Variants in ZNF846 observed in about 807,000 individuals in gnomAD.
ZNF846 encodes zinc finger protein 420 pseudogene.
Under a neutral mutation model 16.0 loss-of-function variants are expected in ZNF846, and 15 were observed. The observed-to-expected ratio is 0.94, with a 90% CI of 0.63 to 1.45. The LOEUF is 1.45. Among genes scored for constraint, ZNF846 ranks in the 40% most tolerant of loss-of-function variants. The pLI is 0.00. For synonymous variants in ZNF846, 229 were observed against 212.0 expected, an observed-to-expected ratio of 1.08 and a Z score of -0.70; for missense variants, 714 against 622.3, an observed-to-expected ratio of 1.15 and a Z score of -1.57.
At chr19:9,754,584 A>AAAAAAAAAAAAC (rs2045116135), downstream of ZNF846, among the ~76,000 whole-genome samples, 1 of 150,130 alleles carries the variant, frequency 6.7e-6, no homozygotes, top group African/African-American at 2.5e-5. Context: ...AAAAAAAAAA[A>AAAAAAAAAAAAC]AAAGCAAAGG....
intron 4 of ZNF846, 130 bp downstream of exon 4, chr19:9,761,952 C>G: frequency 1.5e-6 from 1 of 660,342 alleles, no homozygotes; most frequent in South Asian, 2.0e-5. Context: ...CTAAGGAAAC[C>G]AAATGGCCTC....
rs749557401 is a variant in ZNF846 at position 9,758,639 on chromosome 19, CT to C, written c.437del (p.Gln146ArgfsTer6). ...AGTTCTTTCTTAAGGCTTTTCCACT[CT>C]GATTATCCTCAGAAGTTTTCTCTCC... On this transcript the variant is annotated frameshift_variant, in exon 6 of 6. Coordinates refer to ENST00000397902, the Ensembl canonical transcript of ZNF846. LOFTEE classifies it low-confidence loss of function (END_TRUNC). 4 of 1,613,254 alleles carry C rather than the reference CT, an allele frequency of 2.5e-6. No homozygotes were observed. The South Asian group carries it at 4.4e-5, about 18-fold the overall frequency.
chr19:9,752,614 CA>C (rs34675292), downstream of ZNF846, among the ~76,000 whole-genome samples: 7,623 of 91,282 alleles, frequency 0.084, 488 homozygotes, highest in African/African-American at 0.23. Flanking sequence ...GACTTCATCC[CA>C]AAAAAAAAAA....
chr19:9,783,135 C>G (rs574946289), intron 1 of ZNF846, among the ~76,000 whole-genome samples: 1 of 150,518 alleles, frequency 6.6e-6, no homozygotes, highest in East Asian at 2.0e-4. Flanking sequence ...CTTGCCCAGG[C>G]TGCTCTTGAT....
At chr19:9,762,263 A>C in intron 3 of ZNF846, 95 bp from the exon 4 acceptor site, 1 of 845,978 alleles carries the variant, frequency 1.2e-6, no homozygotes, top group Non-Finnish European at 2.0e-6. Flanking sequence ...GGGGATTCTA[A>C]AGATGGTCAA....
chr19:9,758,956 A>G (rs1336889053), intron 5 of ZNF846, among the ~76,000 whole-genome samples, 192 bp from the exon 6 acceptor site: 1 of 151,854 alleles, frequency 6.6e-6, no homozygotes, highest in East Asian at 1.9e-4. Context: ...GCCTGCCTAT[A>G]TTCTCTGCAT....
At chr19:9,785,048 ATCTC>A (rs938056780) in intron 1 of ZNF846, among the ~76,000 whole-genome samples, 2 of 151,910 alleles carry the variant, frequency 1.3e-5, no homozygotes, top group African/African-American at 4.8e-5. Flanking sequence ...TAACAGTCTG[ATCTC>A]TCTTTCTTTT....
exon 6 of ZNF846, chr19:9,757,816 G>C (rs766786060): frequency 6.2e-7 from 1 of 1,613,476 alleles, no homozygotes; most frequent in South Asian, 1.1e-5. Context: ...CATTCATATG[G>C]CTTCTCTCCA....
chr19:9,752,432 A>G, exon 6 of ZNF846: 2 of 417,830 alleles, frequency 4.8e-6, no homozygotes, highest in Non-Finnish European at 9.7e-6. Flanking sequence ...ACATGATGAA[A>G]CTTCGTCTCT....
intron 1 of ZNF846, among the ~76,000 whole-genome samples, chr19:9,774,057 AAAAC>A (rs1451124260): frequency 1.3e-5 from 2 of 152,240 alleles, no homozygotes; most frequent in East Asian, 1.9e-4. Context: ...AAGAAGCTTT[AAAAC>A]AAACATTCTT....
In ZNF846 at chr19:9,765,003, CATGAAGACAGAAAGTGTCCTGGAAAAA is replaced by C. The variant is rs1281226423; in HGVS notation, c.-80_-54del. The C allele has an allele frequency of 4.1e-5, 66 of 1,604,456 alleles. 1 individual carries two copies. The highest frequency in any genetic ancestry group is 5.3e-5 in the Non-Finnish European group (62 of 1,171,434). ...AGCCTTGGCTTCTCGATGTTCCTGT[CATGAAGACAGAAAGTGTCCTGGAAAAA>C]ATGACCTTTGGAAAAGAATAATGGC... is the stretch of plus-strand genomic sequence containing the variant. On this transcript the variant is annotated 5_prime_UTR_variant, in exon 2 of 6. The change creates a new upstream start codon in the 5' untranslated region. Transcript: ENST00000397902.
chr19:9,781,059 C>T (rs1448671390), intron 1 of ZNF846, among the ~76,000 whole-genome samples: 1 of 152,206 alleles, frequency 6.6e-6, no homozygotes, highest in East Asian at 1.9e-4. Context: ...TTCTTGTCCA[C>T]TTGATATAGT....
chr19:9,778,837 T>C (rs1237468636), intron 1 of ZNF846, among the ~76,000 whole-genome samples: 2 of 138,454 alleles, frequency 1.4e-5, no homozygotes, highest in African/African-American at 5.2e-5. Context: ...AGACGCAAGG[T>C]CTCGCTATGT....
chr19:9,776,818 C>G (rs887299714), intron 1 of ZNF846, among the ~76,000 whole-genome samples: 14 of 152,146 alleles, frequency 9.2e-5, no homozygotes, highest in Non-Finnish European at 1.9e-4. Context: ...TTGGAGGTCA[C>G]TACTCAGAAT....
At chr19:9,753,108 G>T (rs939006060), downstream of ZNF846, among the ~76,000 whole-genome samples, 1 of 151,442 alleles carries the variant, frequency 6.6e-6, no homozygotes, top group African/African-American at 2.4e-5. Context: ...CATGAGGGGG[G>T]TAATCCCATT....
At chr19:9,783,199 T>G (rs1048173932) in intron 1 of ZNF846, among the ~76,000 whole-genome samples, 1 of 147,366 alleles carries the variant, frequency 6.8e-6, no homozygotes, top group Non-Finnish European at 1.5e-5. Context: ...CCTGAGTACC[T>G]GGACTTCTCC....
At chr19:9,765,383 A>C (rs1249182270) in intron 1 of ZNF846, among the ~76,000 whole-genome samples, 1 of 142,870 alleles carries the variant, frequency 7.0e-6, no homozygotes, top group African/African-American at 2.6e-5. Flanking sequence ...TTAAAAAACA[A>C]AAAAGTAGGC....
chr19:9,750,731 AT>A (rs2045077246), downstream of ZNF846, among the ~76,000 whole-genome samples: 1 of 152,210 alleles, frequency 6.6e-6, no homozygotes, highest in Admixed American at 6.5e-5. Flanking sequence ...TAGAACTGGA[AT>A]AGCAGCTATC....
At chr19:9,753,543 C>T (rs1452737206), downstream of ZNF846, among the ~76,000 whole-genome samples, 2 of 151,198 alleles carry the variant, frequency 1.3e-5, no homozygotes, top group African/African-American at 4.9e-5. Flanking sequence ...TGTGAGCCAC[C>T]GTGCCCAGCC....
Sources: gnomAD v4.1 joint callset for allele counts (sites outside exome capture counted in the v4.1 genomes callset) on GRCh38, gnomAD v4.1.1 for gene constraint, MANE v1.5 for transcripts, NCBI Gene and HGNC (gene_info 2026-07-23, HGNC 2026-07-21) for gene names.